The following CRADD variants were observed in gnomAD, a reference collection of about 807,000 sequenced individuals.
CRADD encodes the protein CARD and death domain containing adaptor protein.
Under a neutral mutation model 15.5 loss-of-function variants are expected in CRADD, and 9 were observed. The ratio of observed to expected loss-of-function variants is 0.58; its 90% CI spans 0.35 to 1.01. The LOEUF is 1.01. Ranked by LOEUF, CRADD falls within the 50% of genes least tolerant of loss-of-function variation. The pLI is 0.02. For synonymous variants in CRADD, 118 were observed against 107.6 expected, an observed-to-expected ratio of 1.10 and a Z score of -0.60; for missense variants, 227 against 250.3, an observed-to-expected ratio of 0.91 and a Z score of 0.63.
intron 2 of CRADD, among the ~76,000 whole-genome samples, chr12:93,752,780 TTTCATGCTG>T (rs1956842357): frequency 6.6e-6 from 1 of 152,176 alleles, no homozygotes; most frequent in South Asian, 2.1e-4. Context: ...ATTAGTCTGT[TTTCATGCTG>T]CTGATAAAGA....
chr12:93,771,826 C>A (rs746457105), intron 2 of CRADD, among the ~76,000 whole-genome samples: 1 of 152,198 alleles, frequency 6.6e-6, no homozygotes, highest in Non-Finnish European at 1.5e-5. Flanking sequence ...CTTGATTAAA[C>A]CATATATTCT....
chr12:93,891,482 G>A (rs138773778), intron 2 of CRADD, among the ~76,000 whole-genome samples: 30 of 152,214 alleles, frequency 2.0e-4, no homozygotes, highest in African/African-American at 6.7e-4. Context: ...GCGACACTCC[G>A]TGTCAAAAAA....
chr12:93,793,522 G>C (rs1170904735), intron 2 of CRADD, among the ~76,000 whole-genome samples: 1 of 152,164 alleles, frequency 6.6e-6, no homozygotes, highest in Non-Finnish European at 1.5e-5. Context: ...TTTTATTAAA[G>C]ACAGTCTGCT....
chr12:93,860,217 G>A (rs7132258), intron 2 of CRADD, among the ~76,000 whole-genome samples: 119 of 152,128 alleles, frequency 7.8e-4, no homozygotes, highest in African/African-American at 2.5e-3. Flanking sequence ...TCAATAAGAG[G>A]TACTTAAGCT....
intron 2 of CRADD, among the ~76,000 whole-genome samples, chr12:93,821,752 T>C (rs1482238188): frequency 6.6e-6 from 1 of 152,188 alleles, no homozygotes; most frequent in East Asian, 1.9e-4. Context: ...GGGCACAGCC[T>C]CTTCCTTGTG....
At chr12:93,748,723 C>A (rs1353665079) in intron 2 of CRADD, among the ~76,000 whole-genome samples, 1 of 152,136 alleles carries the variant, frequency 6.6e-6, no homozygotes, top group African/African-American at 2.4e-5. Flanking sequence ...GGATCCAGTC[C>A]CCCTTCGGGA....
chr12:93,847,841 G>A (rs966133502), intron 2 of CRADD, among the ~76,000 whole-genome samples: 16 of 152,130 alleles, frequency 1.1e-4, no homozygotes, highest in East Asian at 7.7e-4. Flanking sequence ...TTGAGTTTTC[G>A]TAACTTTTTT....
chr12:93,890,838 G>A lies in CRADD; in HGVS notation c.299-3212G>A, dbSNP rs1274609715. Among the ~76,000 whole-genome samples, 4 of 150,644 alleles carry A rather than the reference G, an allele frequency of 2.7e-5. No homozygotes were observed. The South Asian group carries it at 6.3e-4, about 24-fold the overall frequency. On this transcript the variant is annotated intron_variant, in intron 2 of 2. Transcript: ENST00000548483. ...CAGTGGCACTATTTGGCTCACTGCA[G>A]CCTCCACCTCCTGTGATTCTCATGC...
intron 2 of CRADD, among the ~76,000 whole-genome samples, chr12:93,729,408 T>G (rs1054487536): frequency 2.0e-5 from 3 of 152,240 alleles, no homozygotes; most frequent in African/African-American, 7.2e-5. Flanking sequence ...GCACAAAATA[T>G]ATACTTAATC....
intron 2 of CRADD, among the ~76,000 whole-genome samples, chr12:93,780,992 G>C (rs1181820504): frequency 6.7e-6 from 1 of 150,360 alleles, no homozygotes; most frequent in Non-Finnish European, 1.5e-5. Flanking sequence ...CTGACTTCAA[G>C]TAATCCACCC....
At chr12:93,825,938 A>C (rs534461989) in intron 2 of CRADD, among the ~76,000 whole-genome samples, 86 of 152,358 alleles carry the variant, frequency 5.6e-4, no homozygotes, top group Admixed American at 1.1e-3. Context: ...AAAGTGAGAC[A>C]AATACATCCC....
Position 93,850,061 on chromosome 12 carries a change from G to A in CRADD, c.390G>A (p.Glu130=). 6.2e-7 allele frequency: 1 copy of A among 1,612,446 alleles called. No individual in the cohort carries two copies. Among genetic ancestry groups the A allele is most frequent in the Non-Finnish European group, 8.5e-7 (1 of 1,178,430 alleles). ...AGCTGGCCCAGAGGCTGGGCCCTGA[G>A]TGGGAGCCCATGGTGCTGTCTCTGG... ...INQLAQRLGP[E]WEPMVLSLGL... Residue 130 remains glutamate, a synonymous_variant, in exon 3 of 3, where the codon GAG becomes GAA. Transcript: ENST00000332896. The surrounding 1 kb of genome is among the most constrained non-coding windows in gnomAD (Gnocchi z 4.0).
At chr12:93,767,845 A>G (rs906752949) in intron 2 of CRADD, among the ~76,000 whole-genome samples, 1 of 152,260 alleles carries the variant, frequency 6.6e-6, no homozygotes, top group Admixed American at 6.5e-5. Context: ...TGCAATCAAT[A>G]CAAGTCTTCT....
chr12:93,853,396 T>A (rs1385097131), downstream of CRADD, among the ~76,000 whole-genome samples: 1 of 152,172 alleles, frequency 6.6e-6, no homozygotes, highest in Non-Finnish European at 1.5e-5. Flanking sequence ...GCCAATGATT[T>A]CAATATCCTT....
At chr12:93,791,673 A>T (rs563679992) in intron 2 of CRADD, among the ~76,000 whole-genome samples, 35 of 152,246 alleles carry the variant, frequency 2.3e-4, no homozygotes, top group African/African-American at 7.5e-4. Flanking sequence ...CCAAATGTTC[A>T]CACCACAAAA....
Position 93,877,477 on chromosome 12 carries a change from A to T in CRADD, c.299-16573A>T, listed in dbSNP as rs184375471. 2.5e-4 allele frequency among the ~76,000 whole-genome samples: 38 copies of T among 152,350 alleles called. 3 individuals are homozygous for T. The highest frequency in any genetic ancestry group is 9.1e-4 in the African/African-American group (38 of 41,578). Reference sequence around the variant, plus strand: ...GTGCTGTACAGGAGTCAGGGAATACAGTCAAAAACCTTAGAAGTCTATCTG... The same window carrying T: ...GTGCTGTACAGGAGTCAGGGAATACTGTCAAAAACCTTAGAAGTCTATCTG... On this transcript the variant is annotated intron_variant, in intron 2 of 2. Transcript: ENST00000548483.
At chr12:93,827,390 T>C (rs1957836098) in intron 2 of CRADD, among the ~76,000 whole-genome samples, 1 of 152,244 alleles carries the variant, frequency 6.6e-6, no homozygotes, top group Non-Finnish European at 1.5e-5. Context: ...AAGTGCATAT[T>C]AATACTTTGT....
rs372235318 is a variant in CRADD, at chr12:93,715,371, C to G, written c.298+36299C>G. Among the ~76,000 whole-genome samples the G allele has an allele frequency of 7.2e-5, 11 of 152,282 alleles. No individual in the cohort carries two copies. In the East Asian group the frequency reaches 1.9e-3, roughly 27 times the overall value. On this transcript the variant is annotated intron_variant, in intron 2 of 2. Transcript: ENST00000332896. ...TACTTCACAAGAACATTGGTAAACA[C>G]ATACAAATGTTAGCAGTTCTGAACA...
At chr12:93,833,963 C>A (rs1565931654) in intron 2 of CRADD, among the ~76,000 whole-genome samples, 2 of 152,176 alleles carry the variant, frequency 1.3e-5, no homozygotes, top group African/African-American at 2.4e-5. Context: ...AGTCACACAA[C>A]ATGAGCAGAA....
Sources: gnomAD v4.1 joint callset for allele counts (sites outside exome capture counted in the v4.1 genomes callset) on GRCh38, gnomAD v4.1.1 for gene constraint, Gnocchi (gnomAD v3.1) non-coding constraint, MANE v1.5 for transcripts, NCBI Gene and HGNC (gene_info 2026-07-23, HGNC 2026-07-21) for gene names.